The following PTPRR variants were observed in gnomAD, a reference collection of about 807,000 sequenced individuals.
PTPRR encodes the protein receptor-type tyrosine-protein phosphatase R.
Under a neutral mutation model 77.2 loss-of-function variants are expected in PTPRR, and 38 were observed. The ratio of observed to expected loss-of-function variants is 0.49; its 90% CI spans 0.38 to 0.65. PTPRR has a LOEUF of 0.65. PTPRR is among the 30% of genes least tolerant of loss of function. PTPRR has a pLI of 0.00. For synonymous variants in PTPRR, 299 were observed against 283.1 expected (o/e 1.06, Z -0.57); for missense variants, 744 against 799.2 (o/e 0.93, Z 0.83).
At chr12:70,759,409 A>G (rs1890636473) in intron 4 of PTPRR, among the ~76,000 whole-genome samples, 1 of 152,146 alleles carries the variant, frequency 6.6e-6, no homozygotes, top group Non-Finnish European at 1.5e-5. Flanking sequence ...CTTGACGGGA[A>G]CACAGGGTAA....
intron 3 of PTPRR, 53 bp downstream of exon 3, chr12:70,764,612 A>T: frequency 6.8e-7 from 1 of 1,462,892 alleles, no homozygotes; most frequent in Non-Finnish European, 9.6e-7. Context: ...TAGTGATTAA[A>T]AAAACCACAC....
At chr12:70,824,158 G>A (rs558387865) in intron 2 of PTPRR, among the ~76,000 whole-genome samples, 1 of 152,242 alleles carries the variant, frequency 6.6e-6, no homozygotes, top group South Asian at 2.1e-4. Flanking sequence ...TTGGAACATC[G>A]CTTAGTCCTT....
At chr12:70,888,483 T>C (rs1368412518) in intron 2 of PTPRR, among the ~76,000 whole-genome samples, 2 of 152,184 alleles carry the variant, frequency 1.3e-5, no homozygotes, top group Admixed American at 6.5e-5. Context: ...TAACCAACTT[T>C]CTTGTGTTGC....
At chr12:70,692,836 G>A (rs1465286472) in intron 8 of PTPRR, among the ~76,000 whole-genome samples, 1 of 152,018 alleles carries the variant, frequency 6.6e-6, no homozygotes, top group Non-Finnish European at 1.5e-5. Flanking sequence ...TTATCATCTT[G>A]TATTTTAAGT....
intron 13 of PTPRR, among the ~76,000 whole-genome samples, chr12:70,656,327 G>A (rs1043884876): frequency 6.6e-6 from 1 of 152,148 alleles, no homozygotes; most frequent in African/African-American, 2.4e-5. Context: ...GTCAGGAGTT[G>A]AAGAACAACC....
chr12:70,731,210 A>G (rs1388159826), intron 6 of PTPRR, among the ~76,000 whole-genome samples: 1 of 152,190 alleles, frequency 6.6e-6, no homozygotes, highest in African/African-American at 2.4e-5. Flanking sequence ...ACTGTGATGG[A>G]AAGTTAAACC....
chr12:70,821,678 T>C (rs1892016760), intron 2 of PTPRR, among the ~76,000 whole-genome samples: 1 of 151,912 alleles, frequency 6.6e-6, no homozygotes, highest in South Asian at 2.1e-4. Flanking sequence ...ATTTATTTTT[T>C]TGAGATGGAG....
intron 2 of PTPRR, among the ~76,000 whole-genome samples, chr12:70,840,948 C>T (rs1303225552): frequency 6.2e-5 from 9 of 145,404 alleles, no homozygotes; most frequent in African/African-American, 1.8e-4. Flanking sequence ...GACCAACTGT[C>T]TTTCTGTCTT....
At chr12:70,707,812 T>C (rs1300276447) in intron 6 of PTPRR, among the ~76,000 whole-genome samples, 1 of 152,058 alleles carries the variant, frequency 6.6e-6, no homozygotes, top group Non-Finnish European at 1.5e-5. Flanking sequence ...TAGCAAGGCT[T>C]CCTAACTCTA....
chr12:70,825,257 G>A (rs1239571870), intron 2 of PTPRR, among the ~76,000 whole-genome samples: 6 of 151,972 alleles, frequency 3.9e-5, no homozygotes, highest in Admixed American at 1.3e-4. Flanking sequence ...CAGCCTGGGC[G>A]ACAGAGCAAG....
At chr12:70,677,004 CGTA>C (rs1423060408) in intron 10 of PTPRR, among the ~76,000 whole-genome samples, 1 of 151,744 alleles carries the variant, frequency 6.6e-6, no homozygotes, top group African/African-American at 2.4e-5. Context: ...GATTGTTTAG[CGTA>C]GTATGGACAT....
At chr12:70,773,999 A>G (rs1407961475) in intron 2 of PTPRR, among the ~76,000 whole-genome samples, 2 of 152,222 alleles carry the variant, frequency 1.3e-5, no homozygotes, top group African/African-American at 2.4e-5. Context: ...GGAGACTAGA[A>G]AAACTCAGTA....
chr12:70,870,827 T>C (rs1487953751), intron 2 of PTPRR, among the ~76,000 whole-genome samples: 1 of 152,208 alleles, frequency 6.6e-6, no homozygotes, highest in East Asian at 1.9e-4. Flanking sequence ...TTGACCAAGA[T>C]TTCCACAGTA....
At chr12:70,696,114 T>C (rs1013980847) in intron 8 of PTPRR, among the ~76,000 whole-genome samples, 1 of 152,178 alleles carries the variant, frequency 6.6e-6, no homozygotes, top group African/African-American at 2.4e-5. Flanking sequence ...AGATGTTTAC[T>C]GATTTTGCCA....
At chr12:70,660,845 A>G in intron 12 of PTPRR, 95 bp downstream of exon 12, 11 of 1,219,782 alleles carry the variant, frequency 9.0e-6, no homozygotes, top group Non-Finnish European at 1.2e-5. Context: ...TTGCCAACAA[A>G]GTCACATCCA....
At chr12:70,813,122 A>T (rs1891839434) in intron 2 of PTPRR, among the ~76,000 whole-genome samples, 1 of 152,250 alleles carries the variant, frequency 6.6e-6, no homozygotes, top group Admixed American at 6.5e-5. Flanking sequence ...TTTTTAATAC[A>T]TGCAGCAGGA....
chr12:70,732,334 C>T (rs535849025), intron 6 of PTPRR, among the ~76,000 whole-genome samples: 14 of 152,268 alleles, frequency 9.2e-5, no homozygotes, highest in South Asian at 8.3e-4. Flanking sequence ...TAGGAGCCAA[C>T]GTAACAAGAG....
chr12:70,912,270 A>G (rs1394829509), intron 1 of PTPRR, among the ~76,000 whole-genome samples: 1 of 152,160 alleles, frequency 6.6e-6, no homozygotes, highest in Non-Finnish European at 1.5e-5. Context: ...TCTCTCCAGT[A>G]TGCCTCAGGA....
In PTPRR at chr12:70,829,651, C is replaced by G. The variant is rs527744577; in HGVS notation, c.357+63028G>C. 4.7e-4 allele frequency among the ~76,000 whole-genome samples: 72 copies of G among 152,262 alleles called. No individual in the cohort carries two copies. In the South Asian group the frequency reaches 0.014, roughly 30 times the overall value. On this transcript the variant is annotated intron_variant, in intron 2 of 13. Coordinates refer to ENST00000283228, the MANE Select transcript of PTPRR (RefSeq NM_002849.4). ...TCAAGTCTCTTCTCTCTGCATGGCA[C>G]TTTTGGACTGAGAAGTGTTTTTCAA...
Sources: gnomAD v4.1 joint callset for allele counts (sites outside exome capture counted in the v4.1 genomes callset) on GRCh38, gnomAD v4.1.1 for gene constraint, MANE v1.5 for transcripts, NCBI Gene and HGNC (gene_info 2026-07-23, HGNC 2026-07-21) for gene names.